Variants in SEL1L3 observed in about 807,000 individuals in gnomAD.
The protein encoded by SEL1L3 is SEL1L family member 3.
In SEL1L3, 76 loss-of-function variants were observed where a neutral mutation model predicts 142.8. The ratio of observed to expected loss-of-function variants is 0.53; its 90% CI spans 0.44 to 0.64. SEL1L3 has a LOEUF of 0.64. SEL1L3 is among the 30% of genes least tolerant of loss of function. The probability of loss-of-function intolerance (pLI) is 0.00; values close to 1 mark genes in which losing one functional copy is unlikely to be tolerated. For missense variants in SEL1L3, 1,262 were observed against 1,381.7 expected, an observed-to-expected ratio of 0.91 and a Z score of 1.37; for synonymous variants, 504 against 519.6, an observed-to-expected ratio of 0.97 and a Z score of 0.41.
the SEL1L3 span, among the ~76,000 whole-genome samples, chr4:25,722,236 A>G: frequency 2.0e-5 from 3 of 152,134 alleles, no homozygotes; most frequent in East Asian, 5.8e-4. Flanking sequence ...GTTTATGCAG[A>G]CTCATTTAGG....
In SEL1L3 at chr4:25,757,625, C is replaced by T. The variant is rs373303060; in HGVS notation, c.3187-19G>A. On this transcript the variant is annotated intron_variant, in intron 22 of 23. Transcript: ENST00000399878. Reference sequence around the variant, plus strand: ...AGTAGATCTGCAAACATCAGAAGCACGCATTAGTGACTGACAAAGGGCAGG... The same window carrying T: ...AGTAGATCTGCAAACATCAGAAGCATGCATTAGTGACTGACAAAGGGCAGG... The T allele has an allele frequency of 1.5e-5, 23 of 1,555,608 alleles. No individual in the cohort carries two copies. Among genetic ancestry groups the T allele is most frequent in the African/African-American group, 9.6e-5 (7 of 73,140 alleles).
chr4:25,856,593 T>TAAAAAA (rs397765802), intron 1 of SEL1L3, among the ~76,000 whole-genome samples: 6 of 117,108 alleles, frequency 5.1e-5, no homozygotes, highest in Non-Finnish European at 3.8e-5. Context: ...GTATTGTAAT[T>TAAAAAA]AAAAAAAAAA....
the SEL1L3 span, among the ~76,000 whole-genome samples, chr4:25,716,111 G>A: frequency 6.6e-6 from 1 of 151,928 alleles, no homozygotes; most frequent in Non-Finnish European, 1.5e-5. Context: ...AAAGACAGTA[G>A]GAGAATATAT....
chr4:25,844,543 A>C (rs1238466280), intron 2 of SEL1L3, among the ~76,000 whole-genome samples: 3 of 152,228 alleles, frequency 2.0e-5, no homozygotes, highest in Non-Finnish European at 2.9e-5. Context: ...AAGAAACAAC[A>C]AAAGAAGGAA....
chr4:25,724,499 T>C, the SEL1L3 span, among the ~76,000 whole-genome samples: 1 of 151,530 alleles, frequency 6.6e-6, no homozygotes, highest in South Asian at 2.1e-4. Flanking sequence ...CTCAGCACTT[T>C]GGGAGGCCGA....
chr4:25,726,564 G>T, the SEL1L3 span, among the ~76,000 whole-genome samples: 1 of 149,536 alleles, frequency 6.7e-6, no homozygotes, highest in Non-Finnish European at 1.5e-5. Flanking sequence ...AAAACCTGTT[G>T]TACTTCAGAC....
At chr4:25,808,912 T>C (rs1713813599) in intron 9 of SEL1L3, among the ~76,000 whole-genome samples, 1 of 14,110 alleles carries the variant, frequency 7.1e-5, no homozygotes, top group Admixed American at 7.8e-4. Flanking sequence ...CTACTAAAAA[T>C]ACAAAAAAAA....
At chr4:25,724,371 A>G in the SEL1L3 span, among the ~76,000 whole-genome samples, 1 of 152,026 alleles carries the variant, frequency 6.6e-6, no homozygotes, top group Non-Finnish European at 1.5e-5. Flanking sequence ...GTAAGCTGTG[A>G]CTGTGCCACA....
chr4:25,841,151 GC>G (rs1191465501), intron 2 of SEL1L3, among the ~76,000 whole-genome samples: 2 of 151,772 alleles, frequency 1.3e-5, no homozygotes, highest in Non-Finnish European at 2.9e-5. Context: ...TCCCACCTCA[GC>G]CCCCCAAGTA....
At chr4:25,728,158 G>T in the SEL1L3 span, among the ~76,000 whole-genome samples, 2 of 152,120 alleles carry the variant, frequency 1.3e-5, no homozygotes, top group Non-Finnish European at 2.9e-5. Context: ...CCCCAGGTTT[G>T]TCCCCTGAAG....
intron 17 of SEL1L3, among the ~76,000 whole-genome samples, chr4:25,771,210 T>A (rs758826552): frequency 6.6e-6 from 1 of 152,260 alleles, no homozygotes; most frequent in African/African-American, 2.4e-5. Flanking sequence ...TGCAAAACTA[T>A]TGTCCTTCCT....
chr4:25,745,759 T>C (rs1717242695), downstream of SEL1L3, among the ~76,000 whole-genome samples: 1 of 152,248 alleles, frequency 6.6e-6, no homozygotes, highest in Non-Finnish European at 1.5e-5. Context: ...AAACTCTGCC[T>C]ACATCAAGGA....
At chr4:25,749,752 A>G (rs1717465957) in intron 23 of SEL1L3, among the ~76,000 whole-genome samples, 2 of 152,228 alleles carry the variant, frequency 1.3e-5, no homozygotes, top group South Asian at 2.1e-4. Context: ...ATTAGTGAGA[A>G]ATATCACGAA....
downstream of SEL1L3, among the ~76,000 whole-genome samples, chr4:25,744,348 CTTTTTTTT>C (rs35155388): frequency 9.9e-6 from 1 of 101,426 alleles, no homozygotes; most frequent in Non-Finnish European, 1.9e-5. Context: ...ATGTGTGAGT[CTTTTTTTT>C]TTTTTTTTTT....
intron 1 of SEL1L3, among the ~76,000 whole-genome samples, chr4:25,858,213 G>A (rs144039332): frequency 1.9e-3 from 291 of 152,356 alleles, no homozygotes; most frequent in Middle Eastern, 3.4e-3. Context: ...GCAGCCAGAA[G>A]AAATAGAAGG....
intron 11 of SEL1L3, among the ~76,000 whole-genome samples, chr4:25,792,128 TA>T (rs1163155743): frequency 6.6e-6 from 1 of 152,278 alleles, no homozygotes; most frequent in Non-Finnish European, 1.5e-5. Flanking sequence ...AAGTTAACAG[TA>T]ACACTTAGAA....
Position 25,822,043 on chromosome 4 carries a change from A to C in SEL1L3, c.1243T>G (p.Phe415Val), listed in dbSNP as rs765929577. The C allele has an allele frequency of 6.2e-7, 1 of 1,613,974 alleles. No homozygotes were observed. Among genetic ancestry groups the C allele is most frequent in the East Asian group, 2.2e-5 (1 of 44,870 alleles). The change falls in exon 7 of 24, where the codon TTT becomes GTT. Residue 415 changes from phenylalanine to valine, a missense_variant. Phe to Val is a conservative substitution (Grantham distance 50). Transcript: ENST00000399878. ...AGGCGATAGTACTTCAGGGGTCCAA[A>C]AAACCCTTCAATGCCAGCCACATAC... is the stretch of plus-strand genomic sequence containing the variant. ...SRYVAGIEGF[F>V]GPLKYYRLRS... is the part of the protein sequence containing the mutation.
At position 25,835,298 on chromosome 4, in the gene SEL1L3, A is replaced by C. The variant is rs371602395; in HGVS notation, c.759T>G (p.Pro253=). 158 of 1,613,884 alleles carry C rather than the reference A, an allele frequency of 9.8e-5. No homozygotes were observed. The highest frequency in any genetic ancestry group is 1.2e-4 in the Non-Finnish European group (145 of 1,179,876). Residue 253 remains proline (P), a synonymous_variant, in exon 3 of 24, where the codon CCT becomes CCG. Coordinates refer to ENST00000399878, the MANE Select transcript of SEL1L3 (RefSeq NM_015187.5). ...CTGTGTTTTCTCCACTGGAGGCATA[A>C]GGAAAGCCAAGCAGGGCAACCACAT... is the stretch of plus-strand genomic sequence containing the variant. ...ENDVVALLGF[P]YASSGENTGI...
At chr4:25,799,613 C>T (rs1001849183) in intron 11 of SEL1L3, among the ~76,000 whole-genome samples, 12 of 152,010 alleles carry the variant, frequency 7.9e-5, no homozygotes, top group African/African-American at 2.7e-4. Context: ...CAGGGGTGCA[C>T]GTGGGGAGGA....
Sources: allele counts gnomAD v4.1 joint callset (sites outside exome capture counted in the v4.1 genomes callset), GRCh38; gene constraint gnomAD v4.1.1; transcripts MANE v1.5; gene names NCBI Gene and HGNC (gene_info 2026-07-23, HGNC 2026-07-21).